Variants in XIRP2 observed in about 807,000 individuals in gnomAD.
The protein encoded by XIRP2 is xin actin binding repeat containing 2.
Under a neutral mutation model 277.0 loss-of-function variants are expected in XIRP2, and 236 were observed. The observed-to-expected ratio is 0.85, with a 90% CI of 0.77 to 0.95. The LOEUF (loss-of-function observed/expected upper bound fraction) is 0.95, where lower values mean the gene tolerates loss of function less well. Ranked by LOEUF, XIRP2 falls within the 40% of genes least tolerant of loss-of-function variation. The pLI, the probability that XIRP2 is intolerant of heterozygous loss-of-function variation, is 0.00. For synonymous variants in XIRP2, 1,490 were observed against 1,416.5 expected (o/e 1.05, Z -1.17); for missense variants, 4,640 against 4,157.5 (o/e 1.12, Z -3.19).
At chr2:166,945,355 T>C (rs1685829926) in intron 2 of XIRP2, among the ~76,000 whole-genome samples, 1 of 152,032 alleles carries the variant, frequency 6.6e-6, no homozygotes, top group South Asian at 2.1e-4. Context: ...TCCAAATCCG[T>C]TGTAGGACAT....
intron 2 of XIRP2, among the ~76,000 whole-genome samples, chr2:167,074,945 C>G (rs1263414046): frequency 6.6e-6 from 1 of 152,074 alleles, no homozygotes; most frequent in African/African-American, 2.4e-5. Flanking sequence ...GTTTCCAGTA[C>G]CACATTTTCA....
chr2:167,207,848 T>A (rs1045063731), intron 3 of XIRP2, among the ~76,000 whole-genome samples: 3 of 152,330 alleles, frequency 2.0e-5, no homozygotes, highest in African/African-American at 7.2e-5. Context: ...TTATCCTTGT[T>A]ATCTAATAGC....
chr2:167,255,261 A>G (rs768619278), intron 10 of XIRP2, among the ~76,000 whole-genome samples: 3 of 151,848 alleles, frequency 2.0e-5, no homozygotes, highest in Non-Finnish European at 4.4e-5. Context: ...TGTGCATCAG[A>G]TGCTTATATC....
intron 8 of XIRP2, 151 bp from the exon 9 acceptor site, chr2:167,242,418 C>A (rs995955483): frequency 2.0e-5 from 14 of 701,352 alleles, no homozygotes; most frequent in Non-Finnish European, 3.0e-5. Context: ...GACTATTATT[C>A]CTAAGTTGGT....
chr2:167,186,573 G>A (rs138770402), intron 3 of XIRP2, among the ~76,000 whole-genome samples: 1 of 152,074 alleles, frequency 6.6e-6, no homozygotes, highest in Non-Finnish European at 1.5e-5. Flanking sequence ...TGTCATTTTT[G>A]AGCTAAATGG....
intron 5 of XIRP2, among the ~76,000 whole-genome samples, chr2:167,224,037 G>A (rs910950468): frequency 6.6e-6 from 1 of 152,100 alleles, no homozygotes; most frequent in African/African-American, 2.4e-5. Flanking sequence ...CCAATGTCAA[G>A]GTGCTGGCAT....
chr2:167,166,232 G>A (rs1692517014), intron 3 of XIRP2, among the ~76,000 whole-genome samples: 1 of 151,946 alleles, frequency 6.6e-6, no homozygotes, highest in African/African-American at 2.4e-5. Flanking sequence ...CTTTCTTGCA[G>A]TATGTTGTTT....
Position 167,210,796 on chromosome 2 carries a change from G to A in XIRP2, c.624G>A (p.Glu208=). 6.2e-7 allele frequency: 1 copy of A among 1,614,184 alleles called. No individual in the cohort carries two copies. The highest frequency in any genetic ancestry group is 8.5e-7 in the Non-Finnish European group (1 of 1,180,012). ...CAGAAGACAGTGCTGCTCGGGGCGA[G>A]GGTGTGTCAGACCTCCACGAAGTGG... The part of the protein sequence containing the change: ...GFAEDSAARG[E]GVSDLHEVVS... Residue 208 remains glutamate, a synonymous_variant, in exon 4 of 11, where the codon GAG becomes GAA. Coordinates refer to ENST00000409195, the MANE Select transcript of XIRP2 (RefSeq NM_152381.6).
intron 2 of XIRP2, among the ~76,000 whole-genome samples, chr2:166,915,250 G>A (rs1404536460): frequency 7.5e-6 from 1 of 132,874 alleles, no homozygotes; most frequent in South Asian, 2.4e-4. Context: ...GCAGTGAGCC[G>A]AGATCTGCCA....
At chr2:167,092,765 A>G (rs1002057618) in intron 2 of XIRP2, among the ~76,000 whole-genome samples, 1 of 152,142 alleles carries the variant, frequency 6.6e-6, no homozygotes, top group Non-Finnish European at 1.5e-5. Flanking sequence ...AGAAAGATAC[A>G]TAGTGGTCAA....
chr2:166,998,806 T>C (rs562633707), intron 2 of XIRP2, among the ~76,000 whole-genome samples: 1 of 152,332 alleles, frequency 6.6e-6, no homozygotes, highest in East Asian at 1.9e-4. Flanking sequence ...TCACATGCCT[T>C]ATAAAAGTTT....
chr2:167,259,171 A>C lies in XIRP2; in HGVS notation c.*1354A>C, dbSNP rs1228507587. 1 of 1,613,306 alleles carries C rather than the reference A, an allele frequency of 6.2e-7. No homozygotes were observed. The highest frequency in any genetic ancestry group is 8.5e-7 in the Non-Finnish European group (1 of 1,179,640). On this transcript the variant is annotated 3_prime_UTR_variant, in exon 11 of 11. Transcript: ENST00000409195. ...ATATGCCATGCTTGGATTTAAGGGA[A>C]TTTGGAAAGGATGTTAAACCTTGGC...
At chr2:166,888,721 A>T (rs1684019380) in intron 1 of XIRP2, among the ~76,000 whole-genome samples, 164 bp downstream of exon 1, 1 of 152,210 alleles carries the variant, frequency 6.6e-6, no homozygotes, top group South Asian at 2.1e-4. Context: ...CAACAAATTC[A>T]GGCTAGCGCT....
chr2:167,215,437 C>T (rs191007758), intron 4 of XIRP2, among the ~76,000 whole-genome samples: 36 of 152,232 alleles, frequency 2.4e-4, no homozygotes, highest in Admixed American at 6.5e-4. Context: ...TGAGTACTTG[C>T]TAGTAATTTA....
At chr2:167,035,788 C>T (rs932558642) in intron 2 of XIRP2, among the ~76,000 whole-genome samples, 18 of 152,074 alleles carry the variant, frequency 1.2e-4, no homozygotes, top group Non-Finnish European at 1.0e-4. Context: ...TTCATGGTGG[C>T]CTCTCCCATC....
chr2:166,899,400 A>G (rs1249890670), intron 1 of XIRP2, among the ~76,000 whole-genome samples: 1 of 152,152 alleles, frequency 6.6e-6, no homozygotes, highest in Non-Finnish European at 1.5e-5. Context: ...AATTTAGAAA[A>G]TACAAAAGGA....
intron 2 of XIRP2, among the ~76,000 whole-genome samples, chr2:167,029,714 G>T (rs1371573420): frequency 6.6e-6 from 1 of 152,098 alleles, no homozygotes; most frequent in Non-Finnish European, 1.5e-5. Flanking sequence ...GATGATGCTG[G>T]CCTCATAAAA....
intron 3 of XIRP2, among the ~76,000 whole-genome samples, chr2:167,163,214 CATT>C (rs761862925): frequency 2.0e-5 from 3 of 152,114 alleles, no homozygotes; most frequent in Non-Finnish European, 4.4e-5. Context: ...TATGTTAAGT[CATT>C]AATTAAATTT....
chr2:166,940,924 T>C (rs1275951460), intron 2 of XIRP2, among the ~76,000 whole-genome samples: 1 of 152,146 alleles, frequency 6.6e-6, no homozygotes, highest in East Asian at 1.9e-4. Context: ...GTCTGTCTGA[T>C]CTCAGATCTC....
Sources: allele counts gnomAD v4.1 joint callset (sites outside exome capture counted in the v4.1 genomes callset), GRCh38; gene constraint gnomAD v4.1.1; transcripts MANE v1.5; gene names NCBI Gene and HGNC (gene_info 2026-07-23, HGNC 2026-07-21).